Variants in PGAP3 observed in about 807,000 individuals in gnomAD.
The protein encoded by PGAP3 is GPI-specific phospholipase A2-like PGAP3.
In PGAP3, 31 loss-of-function variants were observed where a neutral mutation model predicts 40.3. The ratio of observed to expected loss-of-function variants is 0.77; its 90% CI spans 0.58 to 1.04. The LOEUF is 1.04. Among genes scored for constraint, PGAP3 ranks in the 50% least tolerant of loss-of-function variants. The pLI is 0.00. For missense variants in PGAP3, 413 were observed against 423.0 expected (o/e 0.98, Z 0.21); for synonymous variants, 191 against 184.5 (o/e 1.04, Z -0.29).
Position 39,684,587 on chromosome 17 carries a change from G to A in PGAP3, c.432+10C>T, listed in dbSNP as rs963852932. 1 of 1,606,290 alleles carries A rather than the reference G, an allele frequency of 6.2e-7. No homozygotes were observed. The highest frequency in any genetic ancestry group is 1.3e-5 in the African/African-American group (1 of 74,562). Reference sequence around the variant, plus strand: ...AGAGGAGACAGCAGGAGTCCTGCTAGGTTACCTACCCAGGCGAAGGCCACA... The same window carrying A: ...AGAGGAGACAGCAGGAGTCCTGCTAAGTTACCTACCCAGGCGAAGGCCACA... On this transcript the variant is annotated intron_variant, in intron 3 of 7. Transcript: ENST00000300658.
chr17:39,678,036 G>A (rs950881852), intron 3 of PGAP3, among the ~76,000 whole-genome samples: 6 of 152,174 alleles, frequency 3.9e-5, no homozygotes, highest in African/African-American at 7.2e-5. Flanking sequence ...GGGCAGGCCA[G>A]CCCCAGCTCA....
intron 2 of PGAP3, among the ~76,000 whole-genome samples, chr17:39,685,477 G>C (rs1466809408): frequency 1.3e-5 from 2 of 150,160 alleles, no homozygotes; most frequent in African/African-American, 4.9e-5. Flanking sequence ...GGGCGACAGA[G>C]GGAGACTCCA....
rs146132289 is a variant in PGAP3, at chr17:39,685,992, T to A, written c.209A>T (p.Tyr70Phe). The change falls in exon 2 of 8, where the codon TAT becomes TTT. Residue 70 changes from tyrosine (Y) to phenylalanine (F), a missense_variant. Physicochemically the swap from Tyr to Phe is conservative, Grantham distance 22 (BLOSUM62 3). Transcript: ENST00000300658. ...AGWTCRDDCK[Y>F]ECMWVTVGLY... Reference sequence around the variant, plus strand: ...CCCAACGGTGACCCACATACACTCATACTTACAGTCGTCCCGACAGGTCCA... The same window carrying A: ...CCCAACGGTGACCCACATACACTCAAACTTACAGTCGTCCCGACAGGTCCA... 132 of 1,613,196 alleles carry A rather than the reference T, an allele frequency of 8.2e-5. 1 individual carries two copies. Among genetic ancestry groups the A allele is most frequent in the Non-Finnish European group, 1.1e-4 (129 of 1,179,392 alleles).
rs2057597223 is a variant in PGAP3 at position 39,687,995 on chromosome 17, C to G, written c.20G>C (p.Arg7Pro). 1.4e-6 allele frequency: 2 copies of G among 1,423,188 alleles called. No homozygotes were observed. The highest frequency in any genetic ancestry group is 1.4e-5 in the South Asian group (1 of 71,170). The allele number at this position is 1,423,188 out of a possible 1,614,324, so 88.2% of individuals were successfully genotyped here. MAGLAA[R>P]LVLLAGAAAL... Reference sequence around the variant, plus strand: ...CGCTGCCCCAGCTAGCAGGACCAACCGCGCCGCCAGGCCGGCCATCCTTTC... The same window carrying G: ...CGCTGCCCCAGCTAGCAGGACCAACGGCGCCGCCAGGCCGGCCATCCTTTC... Residue 7 changes from arginine to proline, a missense_variant, in exon 1 of 8, where the codon CGG becomes CCG. Coordinates refer to ENST00000300658, the MANE Select transcript of PGAP3 (RefSeq NM_033419.5).
chr17:39,688,041 G>A lies in PGAP3; in HGVS notation c.-27C>T. 2.2e-6 allele frequency: 3 copies of A among 1,368,124 alleles called. No homozygotes were observed. The highest frequency in any genetic ancestry group is 3.3e-5 in the South Asian group (2 of 61,342). 84.7% of individuals were successfully genotyped at this position (1,368,124 alleles called of 1,614,324 possible). The stretch of plus-strand genomic sequence containing the variant: ...CTTTCTCCCTGGCTCGCCGCCGGGG[G>A]AGGAGCTTAGGAGTATGAAGCTTCC... On this transcript the variant is annotated 5_prime_UTR_variant, in exon 1 of 8. Transcript: ENST00000300658.
intron 7 of PGAP3, 74 bp downstream of exon 7, chr17:39,672,976 GC>G: frequency 6.3e-7 from 1 of 1,577,250 alleles, no homozygotes; most frequent in Non-Finnish European, 8.6e-7. Context: ...GGCACACAGA[GC>G]CCCCAATCTC....
intron 3 of PGAP3, among the ~76,000 whole-genome samples, chr17:39,683,846 C>T (rs1386198368): frequency 6.6e-6 from 1 of 152,186 alleles, no homozygotes; most frequent in Admixed American, 6.5e-5. Flanking sequence ...CTGAGCTCGC[C>T]AGGTGCAGTG....
At chr17:39,675,395 A>G (rs1316325246) in intron 3 of PGAP3, among the ~76,000 whole-genome samples, 2 of 152,224 alleles carry the variant, frequency 1.3e-5, no homozygotes, top group African/African-American at 2.4e-5. Context: ...AATGAGCCTA[A>G]GAGCTTGTGG....
intron 2 of PGAP3, 96 bp downstream of exon 2, chr17:39,685,826 C>T: frequency 8.9e-7 from 1 of 1,125,240 alleles, no homozygotes. Flanking sequence ...ACGCATTACC[C>T]CATGCCTCAG....
At chr17:39,685,849 G>T in intron 2 of PGAP3, 73 bp downstream of exon 2, 1 of 1,370,132 alleles carries the variant, frequency 7.3e-7, no homozygotes, top group Non-Finnish European at 1.0e-6. Context: ...TGCTTGGACA[G>T]TGTGGTCCAA....
At chr17:39,685,560 G>A (rs1264084797) in intron 2 of PGAP3, among the ~76,000 whole-genome samples, 2 of 151,952 alleles carry the variant, frequency 1.3e-5, no homozygotes, top group Non-Finnish European at 2.9e-5. Flanking sequence ...CGCTAGACAA[G>A]CTGAAGCATA....
chr17:39,685,842 T>C (rs2057503817), intron 2 of PGAP3, 80 bp downstream of exon 2: 4 of 1,334,376 alleles, frequency 3.0e-6, no homozygotes, highest in Admixed American at 3.7e-5. Context: ...CTCAGACTGC[T>C]TGGACAGTGT....
At chr17:39,672,976 G>A in intron 7 of PGAP3, 75 bp downstream of exon 7, 1 of 1,577,252 alleles carries the variant, frequency 6.3e-7, no homozygotes, top group South Asian at 1.1e-5. Flanking sequence ...GGCACACAGA[G>A]CCCCCAATCT....
chr17:39,686,998 T>C (rs931063853), intron 1 of PGAP3, among the ~76,000 whole-genome samples: 4 of 152,200 alleles, frequency 2.6e-5, no homozygotes, highest in African/African-American at 9.7e-5. Context: ...AGGCTCCAAA[T>C]TGCCTTTCCA....
chr17:39,681,570 G>A (rs934220564), intron 3 of PGAP3, among the ~76,000 whole-genome samples: 22 of 151,976 alleles, frequency 1.4e-4, no homozygotes, highest in African/African-American at 5.1e-4. Context: ...GTGCAATGGC[G>A]TGATCTCAGC....
chr17:39,672,979 C>T, intron 7 of PGAP3, 72 bp downstream of exon 7: 1 of 1,577,848 alleles, frequency 6.3e-7, no homozygotes, highest in Admixed American at 1.8e-5. Context: ...ACACAGAGCC[C>T]CCAATCTCCC....
chr17:39,674,445 C>A (rs1471545375), intron 4 of PGAP3, among the ~76,000 whole-genome samples, 172 bp downstream of exon 4: 3 of 152,186 alleles, frequency 2.0e-5, no homozygotes, highest in Admixed American at 2.0e-4. Flanking sequence ...CTCATCCCCA[C>A]CTGATGAGGC....
rs766274858 is a variant in PGAP3, at chr17:39,673,507, G to C, written c.694+7C>G. The C allele has an allele frequency of 6.2e-6, 10 of 1,614,056 alleles. No individual in the cohort carries two copies. The South Asian group carries it at 9.9e-5, about 16-fold the overall frequency. ...CTGCAGATGGCCCAAGCCCCCCAGG[G>C]CCTCACCAATAGCCACGTTGGCCAC... On this transcript the variant is annotated splice_region_variant and intron_variant, in intron 6 of 7. Coordinates refer to ENST00000300658, the MANE Select transcript of PGAP3 (RefSeq NM_033419.5).
At chr17:39,680,537 G>T (rs1023138185) in intron 3 of PGAP3, among the ~76,000 whole-genome samples, 1 of 152,054 alleles carries the variant, frequency 6.6e-6, no homozygotes, top group Non-Finnish European at 1.5e-5. Context: ...TTCGCAGCAC[G>T]CCCCATCTAT....
Sources: gnomAD v4.1 joint callset for allele counts (sites outside exome capture counted in the v4.1 genomes callset) on GRCh38, gnomAD v4.1.1 for gene constraint, MANE v1.5 for transcripts, NCBI Gene and HGNC (gene_info 2026-07-23, HGNC 2026-07-21) for gene names.